TRPS1: variants seen among roughly 807,000 people sequenced by gnomAD.
The protein encoded by TRPS1 is transcriptional repressor GATA binding 1.
TRPS1 carries 6 observed loss-of-function variants against 101.2 expected under a neutral mutation model. That is an observed-to-expected ratio of 0.06 (90% CI 0.03 to 0.12). The LOEUF (loss-of-function observed/expected upper bound fraction) is 0.12. TRPS1 is among the 10% of genes least tolerant of loss of function. The probability of loss-of-function intolerance (pLI) is 1.00; values close to 1 mark genes in which losing one functional copy is unlikely to be tolerated. For missense variants in TRPS1, 1,363 were observed against 1,567.0 expected, an observed-to-expected ratio of 0.87 and a Z score of 2.20; for synonymous variants, 578 against 589.8, an observed-to-expected ratio of 0.98 and a Z score of 0.29.
intron 5 of TRPS1, among the ~76,000 whole-genome samples, chr8:115,567,287 A>AT (rs762663326): frequency 6.6e-6 from 1 of 152,058 alleles, no homozygotes; most frequent in Non-Finnish European, 1.5e-5. Context: ...TTACAGACAT[A>AT]TTTTTTCCAC....
rs755232883 is a variant in TRPS1, at chr8:115,587,010, G to A, written c.2691C>T (p.Ser897=). The A allele has an allele frequency of 1.2e-6, 2 of 1,614,038 alleles. No homozygotes were observed. Among genetic ancestry groups the A allele is most frequent in the African/African-American group, 2.7e-5 (2 of 74,936 alleles). The change falls in exon 5 of 7, where the codon TCC becomes TCT. Residue 897 remains serine, a synonymous_variant. Coordinates refer to ENST00000395715, the MANE Select transcript of TRPS1 (RefSeq NM_014112.5). ...GENKSKDESQ[S]LLRRRRGSGV... is the part of the protein sequence containing the mutation. ...AATGAAACCATCCTACCCGTAACAG[G>A]GACTGGGATTCATCCTTGGACTTGT...
At chr8:115,616,373 C>T (rs149323000) in intron 3 of TRPS1, among the ~76,000 whole-genome samples, 30 of 152,246 alleles carry the variant, frequency 2.0e-4, no homozygotes, top group East Asian at 7.7e-4. Context: ...GGGAAATCTT[C>T]GAATTTGTTT....
At chr8:115,510,058 T>A (rs1457108044) in intron 5 of TRPS1, among the ~76,000 whole-genome samples, 1 of 152,036 alleles carries the variant, frequency 6.6e-6, no homozygotes, top group Non-Finnish European at 1.5e-5. Flanking sequence ...TCAAGATTTT[T>A]ACTTCCCTGA....
chr8:115,466,259 G>A (rs561141707), intron 5 of TRPS1, among the ~76,000 whole-genome samples: 1 of 152,254 alleles, frequency 6.6e-6, no homozygotes, highest in African/African-American at 2.4e-5. Context: ...AAAACTGGAT[G>A]ATAGCACTAA....
chr8:115,657,841 T>C (rs1315457466), intron 1 of TRPS1, among the ~76,000 whole-genome samples: 11 of 151,676 alleles, frequency 7.3e-5, no homozygotes, highest in Non-Finnish European at 4.4e-5. Flanking sequence ...TAGCAAACAA[T>C]AAAATAAAAT....
At chr8:115,631,569 T>C (rs995107118) in intron 1 of TRPS1, among the ~76,000 whole-genome samples, 14 of 151,974 alleles carry the variant, frequency 9.2e-5, no homozygotes, top group African/African-American at 3.1e-4. Flanking sequence ...AGCCAAGTGA[T>C]ACTAACATGC....
intron 5 of TRPS1, among the ~76,000 whole-genome samples, chr8:115,456,223 A>C (rs1179775468): frequency 6.6e-6 from 1 of 152,198 alleles, no homozygotes; most frequent in Non-Finnish European, 1.5e-5. Flanking sequence ...TATAAAGTGG[A>C]GAAGTAAAAA....
At chr8:115,656,559 G>C (rs1811680851) in intron 1 of TRPS1, among the ~76,000 whole-genome samples, 1 of 151,902 alleles carries the variant, frequency 6.6e-6, no homozygotes, top group South Asian at 2.1e-4. Context: ...GTCTAAATGA[G>C]AAACAATTAA....
At chr8:115,424,149 A>G (rs1367092244) in intron 5 of TRPS1, among the ~76,000 whole-genome samples, 2 of 152,204 alleles carry the variant, frequency 1.3e-5, no homozygotes, top group Admixed American at 6.5e-5. Context: ...TAGGCAGAAT[A>G]TTTACTCACA....
At chr8:115,491,352 A>G (rs1200604682) in intron 5 of TRPS1, among the ~76,000 whole-genome samples, 2 of 152,168 alleles carry the variant, frequency 1.3e-5, no homozygotes, top group East Asian at 3.8e-4. Flanking sequence ...GAGAAGTGGC[A>G]ATATGTACAG....
At chr8:115,498,409 CTCTCTCTATATATATATA>C (rs1303918947) in intron 5 of TRPS1, among the ~76,000 whole-genome samples, 126 of 80,930 alleles carry the variant, frequency 1.6e-3, no homozygotes, top group African/African-American at 7.5e-3. Flanking sequence ...CTCTCTCTCT[CTCTCTCTATATATATATA>C]TATATATATA....
At chr8:115,531,310 G>A (rs929268763) in intron 5 of TRPS1, among the ~76,000 whole-genome samples, 4 of 152,078 alleles carry the variant, frequency 2.6e-5, no homozygotes, top group Non-Finnish European at 5.9e-5. Flanking sequence ...AAATTAAATA[G>A]TCAAAGTATT....
chr8:115,551,414 T>A (rs1415658696), intron 5 of TRPS1, among the ~76,000 whole-genome samples: 1 of 152,202 alleles, frequency 6.6e-6, no homozygotes, highest in Non-Finnish European at 1.5e-5. Context: ...TGATGTAGTG[T>A]TTTCCTCTGG....
At chr8:115,558,673 G>A (rs1218375105) in intron 5 of TRPS1, among the ~76,000 whole-genome samples, 1 of 151,988 alleles carries the variant, frequency 6.6e-6, no homozygotes, top group African/African-American at 2.4e-5. Context: ...ACTCAGTGGG[G>A]TTCTGTACAA....
chr8:115,582,943 G>C (rs1043785352), intron 5 of TRPS1, among the ~76,000 whole-genome samples: 1 of 152,126 alleles, frequency 6.6e-6, no homozygotes, highest in African/African-American at 2.4e-5. Context: ...AAATAACATG[G>C]AGGAGTTTAC....
intron 5 of TRPS1, among the ~76,000 whole-genome samples, chr8:115,461,259 AG>A (rs1279693702): frequency 1.9e-4 from 16 of 84,338 alleles, no homozygotes; most frequent in African/African-American, 4.6e-4. Flanking sequence ...AAGGATAGAT[AG>A]ATAGATAGAT....
At chr8:115,520,488 T>G (rs1563571139) in intron 5 of TRPS1, among the ~76,000 whole-genome samples, 1 of 151,760 alleles carries the variant, frequency 6.6e-6, no homozygotes, top group Non-Finnish European at 1.5e-5. Context: ...ATTGTTTATG[T>G]AGGCTTTGGA....
At chr8:115,492,404 CA>C (rs1455936668) in intron 5 of TRPS1, among the ~76,000 whole-genome samples, 1 of 151,690 alleles carries the variant, frequency 6.6e-6, no homozygotes, top group East Asian at 1.9e-4. Context: ...AGGGAGCCAC[CA>C]AAAGTTACTG....
chr8:115,428,103 C>T (rs911909821), intron 5 of TRPS1, among the ~76,000 whole-genome samples: 3 of 152,086 alleles, frequency 2.0e-5, no homozygotes, highest in African/African-American at 7.2e-5. Flanking sequence ...CACACATGTT[C>T]AGGTAACAAT....
Sources: gnomAD v4.1 joint callset for allele counts (sites outside exome capture counted in the v4.1 genomes callset) on GRCh38, gnomAD v4.1.1 for gene constraint, MANE v1.5 for transcripts, NCBI Gene and HGNC (gene_info 2026-07-23, HGNC 2026-07-21) for gene names.